FAR2: variants seen among roughly 807,000 people sequenced by gnomAD.
The protein encoded by FAR2 is fatty acyl-CoA reductase 2, also known as epididymis secretory protein Li 81.
Under a neutral mutation model 56.0 loss-of-function variants are expected in FAR2, and 19 were observed. That is an observed-to-expected ratio of 0.34 (90% confidence interval 0.24 to 0.50). The LOEUF is 0.50. FAR2 is among the 20% of genes least tolerant of loss of function. The pLI, the probability that FAR2 is intolerant of heterozygous loss-of-function variation, is 0.98. For missense variants in FAR2, 508 were observed against 642.2 expected (o/e 0.79, Z 2.26); for synonymous variants, 219 against 218.8 (o/e 1.00, Z -0.01).
chr12:29,278,161 C>A (rs943039562), intron 2 of FAR2, among the ~76,000 whole-genome samples: 25 of 151,718 alleles, frequency 1.6e-4, no homozygotes, highest in African/African-American at 5.6e-4. Context: ...GAACTTGTGG[C>A]CTCAAACAGT....
chr12:29,299,797 G>A (rs1277792024), intron 4 of FAR2, among the ~76,000 whole-genome samples: 4 of 104,336 alleles, frequency 3.8e-5, no homozygotes, highest in African/African-American at 8.4e-5. Flanking sequence ...CTTTGCACTC[G>A]AAACTCTGTT....
chr12:29,304,581 G>A (rs943766393), intron 4 of FAR2, among the ~76,000 whole-genome samples: 3 of 152,154 alleles, frequency 2.0e-5, no homozygotes, highest in Admixed American at 2.0e-4. Context: ...AAAATTGAGG[G>A]TATCAGGGGA....
At chr12:29,174,119 A>G (rs1246298309) in intron 1 of FAR2, among the ~76,000 whole-genome samples, 1 of 152,300 alleles carries the variant, frequency 6.6e-6, no homozygotes, top group East Asian at 1.9e-4. Flanking sequence ...AGTGATCTCC[A>G]GGGTTGGAGG....
chr12:29,296,986 C>T, intron 3 of FAR2, 35 bp from the exon 4 acceptor site: 1 of 1,549,228 alleles, frequency 6.5e-7, no homozygotes, highest in Non-Finnish European at 8.7e-7. Flanking sequence ...TACTGACTTA[C>T]TTCATTGTAT....
intron 1 of FAR2, among the ~76,000 whole-genome samples, chr12:29,225,502 A>G (rs536144209): frequency 1.3e-5 from 2 of 152,324 alleles, no homozygotes; most frequent in Admixed American, 1.3e-4. Flanking sequence ...ACAAGACAGT[A>G]CCAATTACAT....
intron 10 of FAR2, among the ~76,000 whole-genome samples, chr12:29,327,390 T>C (rs1262463835): frequency 6.6e-6 from 1 of 152,090 alleles, no homozygotes; most frequent in Admixed American, 6.6e-5. Flanking sequence ...CTTCACAGAA[T>C]TGGAAAAAAC....
chr12:29,312,099 G>C (rs775889538), intron 8 of FAR2, 149 bp downstream of exon 8: 131 of 582,974 alleles, frequency 2.2e-4, no homozygotes, highest in Non-Finnish European at 3.5e-4. Flanking sequence ...GTAAATGTGT[G>C]ATAGTTAACT....
Position 29,307,685 on chromosome 12 carries a change from G to C in FAR2, c.573G>C (p.Glu191Asp). The part of the protein sequence containing the change: ...LEWLDDAIID[E>D]ITPKLIRDWP... ...GGTTAGACGATGCTATTATTGACGA[G>C]ATTACACCCAAGCTGATCAGAGATT... The change falls in exon 5 of 12, where the codon GAG becomes GAC. Residue 191 changes from glutamate (E) to aspartate (D), a missense_variant. Glu to Asp is a conservative substitution (Grantham distance 45). Transcript: ENST00000536681. The C allele has an allele frequency of 6.2e-7, 1 of 1,612,974 alleles. No individual in the cohort carries two copies. Among genetic ancestry groups the C allele is most frequent in the Non-Finnish European group, 8.5e-7 (1 of 1,179,574 alleles).
In FAR2 at chr12:29,333,789, G is replaced by C; in HGVS notation, c.1543G>C (p.Val515Leu). The C allele has an allele frequency of 6.2e-7, 1 of 1,613,212 alleles. No homozygotes were observed. The highest frequency in any genetic ancestry group is 8.5e-7 in the Non-Finnish European group (1 of 1,179,532). ...CTTTAGAGCATCCAGCACGCTCAAA[G>C]TTTAAGAGCATTTAGCCATCGCTTT... Reference protein sequence around the residue: ...SYFRASSTLKV With the variant: ...SYFRASSTLKL Residue 515 changes from valine (V) to leucine (L), a missense_variant, in exon 12 of 12, where the codon GTT (valine) becomes CTT (leucine). By Grantham distance (32) the Val-to-Leu change is conservative. Transcript: ENST00000536681.
chr12:29,176,824 A>G (rs577655945), intron 1 of FAR2, among the ~76,000 whole-genome samples: 1 of 141,104 alleles, frequency 7.1e-6, no homozygotes, highest in Admixed American at 7.8e-5. Context: ...ACACATGTCA[A>G]TGTAATGGAG....
chr12:29,248,380 C>T (rs1034877404), intron 1 of FAR2, among the ~76,000 whole-genome samples: 34 of 152,238 alleles, frequency 2.2e-4, no homozygotes, highest in African/African-American at 7.9e-4. Flanking sequence ...GGAGACATCA[C>T]ATGTCGGTAG....
At chr12:29,285,067 T>G (rs1238534575) in intron 2 of FAR2, among the ~76,000 whole-genome samples, 1 of 152,116 alleles carries the variant, frequency 6.6e-6, no homozygotes, top group Non-Finnish European at 1.5e-5. Flanking sequence ...GGTCTCGATC[T>G]CCTGACCTCA....
At chr12:29,292,223 T>C (rs1948980775) in intron 2 of FAR2, 1 of 152,194 alleles carries the variant, frequency 6.6e-6, no homozygotes, top group South Asian at 2.1e-4. Flanking sequence ...ACATCATATG[T>C]AAGGAACCCC....
chr12:29,257,456 G>A (rs892436691), intron 1 of FAR2, among the ~76,000 whole-genome samples: 3 of 152,154 alleles, frequency 2.0e-5, no homozygotes, highest in Non-Finnish European at 4.4e-5. Flanking sequence ...ATAAAAGCAG[G>A]CTGCCCAAGC....
chr12:29,297,070 G>A lies in FAR2; in HGVS notation c.415G>A (p.Ala139Thr). Residue 139 changes from alanine to threonine, a missense_variant, in exon 4 of 12, where the codon GCT (alanine) becomes ACT (threonine). Physicochemically the swap from Ala to Thr is moderately conservative, Grantham distance 58. Coordinates refer to ENST00000536681, the MANE Select transcript of FAR2 (RefSeq NM_001271783.2). ...VTATRQLLLM[A>T]SQMPKLEAFI... is the part of the protein sequence containing the mutation. ...TGCCACCCGGCAGCTCTTGCTTATG[G>A]CTAGTCAGATGCCAAAGCTGGAAGC... is the stretch of plus-strand genomic sequence containing the variant. 6.2e-7 allele frequency: 1 copy of A among 1,613,010 alleles called. No homozygotes were observed. The highest frequency in any genetic ancestry group is 2.2e-5 in the East Asian group (1 of 44,848).
At chr12:29,256,738 C>G (rs2136685757) in intron 1 of FAR2, among the ~76,000 whole-genome samples, 1 of 152,280 alleles carries the variant, frequency 6.6e-6, no homozygotes, top group Non-Finnish European at 1.5e-5. Flanking sequence ...GCACTCGGAG[C>G]ACTCGGCCGG....
intron 1 of FAR2, among the ~76,000 whole-genome samples, chr12:29,261,855 C>T (rs1452437508): frequency 1.3e-5 from 2 of 152,128 alleles, no homozygotes. Context: ...AAATAAAGAC[C>T]TTCCCAGACA....
intron 1 of FAR2, among the ~76,000 whole-genome samples, chr12:29,163,688 A>G (rs1032692129): frequency 2.6e-5 from 4 of 152,246 alleles, no homozygotes; most frequent in Admixed American, 2.6e-4. Flanking sequence ...CTGAGTGAGC[A>G]GTGATATCAT....
At chr12:29,269,180 C>A (rs1285552535) in intron 1 of FAR2, among the ~76,000 whole-genome samples, 1 of 152,072 alleles carries the variant, frequency 6.6e-6, no homozygotes, top group Non-Finnish European at 1.5e-5. Context: ...CCCCTAGAGT[C>A]TTGACCATAA....
Sources: gnomAD v4.1 joint callset for allele counts (sites outside exome capture counted in the v4.1 genomes callset) on GRCh38, gnomAD v4.1.1 for gene constraint, MANE v1.5 for transcripts, NCBI Gene and HGNC (gene_info 2026-07-23, HGNC 2026-07-21) for gene names.